Variants in HTR4 observed in about 807,000 individuals in gnomAD.
HTR4 encodes 5-hydroxytryptamine receptor 4.
HTR4 carries 16 observed loss-of-function variants against 36.8 expected under a neutral mutation model. That is an observed-to-expected ratio of 0.43 (90% CI 0.29 to 0.66). The LOEUF is 0.66. HTR4 is among the 30% of genes least tolerant of loss of function. HTR4 has a pLI of 0.13. For missense variants in HTR4, 438 were observed against 490.9 expected (o/e 0.89, Z 1.02); for synonymous variants, 189 against 185.1 (o/e 1.02, Z -0.17).
At chr5:148,552,541 C>T (rs567387016) in intron 2 of HTR4, among the ~76,000 whole-genome samples, 11 of 152,346 alleles carry the variant, frequency 7.2e-5, no homozygotes, top group African/African-American at 2.4e-4. Flanking sequence ...CTTCCACCCC[C>T]AGGGCCTCTG....
intron 6 of HTR4, among the ~76,000 whole-genome samples, chr5:148,505,134 G>T (rs1172769923): frequency 6.6e-6 from 1 of 152,108 alleles, no homozygotes; most frequent in Non-Finnish European, 1.5e-5. Context: ...TAAAATACTG[G>T]CAAACCAAAT....
At chr5:148,476,841 T>C, downstream of HTR4, 1 of 1,588,308 alleles carries the variant, frequency 6.3e-7, no homozygotes, top group Non-Finnish European at 8.6e-7. Flanking sequence ...GTTTGGGGAT[T>C]GGAATAGGTC....
At chr5:148,472,131 G>A (rs911297659), downstream of HTR4, among the ~76,000 whole-genome samples, 19 of 152,156 alleles carry the variant, frequency 1.2e-4, no homozygotes, top group African/African-American at 3.4e-4. Context: ...AGCATTCAGA[G>A]CACCCAACAG....
intron 2 of HTR4, among the ~76,000 whole-genome samples, chr5:148,577,862 T>TTGGG: frequency 6.6e-6 from 1 of 151,960 alleles, no homozygotes; most frequent in African/African-American, 2.4e-5. Context: ...AAGATAACTA[T>TTGGG]TGGGTGCTGG....
intron 5 of HTR4, chr5:148,461,872 C>G (rs1274393728): frequency 1.3e-5 from 2 of 152,002 alleles, no homozygotes; most frequent in Non-Finnish European, 1.5e-5. Context: ...ATAAAACTTA[C>G]CTTAACAAAT....
In HTR4 at chr5:148,481,616, T is replaced by C. The variant is rs971025626; in HGVS notation, c.*1587A>G. ...TTATTCCAAAGTTTCTTCCTGTCGG[T>C]TTCAGTTCCAGAACTAAAGTAAACA... On this transcript the variant is annotated 3_prime_UTR_variant, in exon 7 of 7. Coordinates refer to ENST00000377888, the MANE Select transcript of HTR4 (RefSeq NM_000870.7). 1 of 1,509,642 alleles carries C rather than the reference T, an allele frequency of 6.6e-7. No individual in the cohort carries two copies. Among genetic ancestry groups the C allele is most frequent in the Non-Finnish European group, 8.8e-7 (1 of 1,140,362 alleles). 93.5% of individuals were successfully genotyped at this position (1,509,642 alleles called of 1,614,324 possible). A position where few individuals can be genotyped will look rare whatever the true frequency, so the allele number is the denominator to read the frequency against.
chr5:148,530,475 C>T (rs190839947), intron 4 of HTR4, among the ~76,000 whole-genome samples: 46 of 152,202 alleles, frequency 3.0e-4, no homozygotes, highest in Admixed American at 9.2e-4. Context: ...GTTAAGCCTG[C>T]GAGTACACAG....
intron 2 of HTR4, among the ~76,000 whole-genome samples, chr5:148,621,961 C>T (rs964409384): frequency 2.6e-5 from 4 of 152,122 alleles, no homozygotes; most frequent in Non-Finnish European, 5.9e-5. Flanking sequence ...TATTTGGATC[C>T]CAGCTCTGGG....
intron 6 of HTR4, among the ~76,000 whole-genome samples, chr5:148,487,168 G>T (rs1175294027): frequency 6.6e-6 from 1 of 152,120 alleles, no homozygotes; most frequent in Non-Finnish European, 1.5e-5. Context: ...TTGTTTCCAT[G>T]TTAGAGGAAG....
chr5:148,513,711 C>T (rs1757602843), intron 5 of HTR4, among the ~76,000 whole-genome samples: 1 of 152,154 alleles, frequency 6.6e-6, no homozygotes, highest in Admixed American at 6.5e-5. Context: ...TTAAGGGAAA[C>T]TGACATCTTT....
At chr5:148,626,258 A>G (rs1753100559) in intron 2 of HTR4, among the ~76,000 whole-genome samples, 1 of 152,214 alleles carries the variant, frequency 6.6e-6, no homozygotes, top group African/African-American at 2.4e-5. Context: ...TGCGATGATA[A>G]AATTCAGTTC....
chr5:148,626,292 C>A (rs887785544), intron 2 of HTR4, among the ~76,000 whole-genome samples: 2 of 152,226 alleles, frequency 1.3e-5, no homozygotes, highest in African/African-American at 4.8e-5. Context: ...GCCATCAGAA[C>A]ATTCCCTTTC....
At chr5:148,570,865 T>C (rs1185741935) in intron 2 of HTR4, among the ~76,000 whole-genome samples, 2 of 152,062 alleles carry the variant, frequency 1.3e-5, no homozygotes, top group Non-Finnish European at 2.9e-5. Flanking sequence ...TTATTTTGTT[T>C]AGGGTGGTCT....
chr5:148,522,584 C>T (rs900602806), intron 5 of HTR4, among the ~76,000 whole-genome samples: 1 of 152,130 alleles, frequency 6.6e-6, no homozygotes, highest in African/African-American at 2.4e-5. Context: ...TTATTCATGA[C>T]ATTTGTTAAA....
At chr5:148,518,203 A>G (rs1757851223) in intron 5 of HTR4, among the ~76,000 whole-genome samples, 1 of 152,054 alleles carries the variant, frequency 6.6e-6, no homozygotes, top group Non-Finnish European at 1.5e-5. Context: ...AGTACTTACC[A>G]TCTCCTAACA....
intron 6 of HTR4, chr5:148,484,430 T>C (rs1311899409): frequency 3.9e-6 from 6 of 1,544,648 alleles, no homozygotes; most frequent in African/African-American, 1.4e-5. Flanking sequence ...ACAGTGAATC[T>C]TACTTACACA....
intron 5 of HTR4, among the ~76,000 whole-genome samples, chr5:148,519,446 A>G (rs1757911515): frequency 1.3e-5 from 2 of 152,180 alleles, no homozygotes; most frequent in Non-Finnish European, 2.9e-5. Context: ...GATTCCATTG[A>G]GCAAAGGAAG....
downstream of HTR4, chr5:148,476,571 G>A (rs905235107): frequency 1.4e-6 from 2 of 1,434,772 alleles, no homozygotes; most frequent in Middle Eastern, 5.2e-4. Flanking sequence ...GGACTGAAGG[G>A]GCAAAGTGGG....
downstream of HTR4, among the ~76,000 whole-genome samples, chr5:148,478,592 A>G (rs1176270882): frequency 6.6e-6 from 1 of 152,144 alleles, no homozygotes; most frequent in Non-Finnish European, 1.5e-5. Flanking sequence ...ACCAGCACAG[A>G]GGGTATTCCC....
Sources: allele counts gnomAD v4.1 joint callset (sites outside exome capture counted in the v4.1 genomes callset), GRCh38; gene constraint gnomAD v4.1.1; transcripts MANE v1.5; gene names NCBI Gene and HGNC (gene_info 2026-07-23, HGNC 2026-07-21).